The following EXO1 variants were observed in gnomAD, a reference collection of about 807,000 sequenced individuals.
EXO1 encodes the protein exonuclease 1.
Under a neutral mutation model 84.5 loss-of-function variants are expected in EXO1, and 69 were observed. The observed-to-expected ratio is 0.82, with a 90% confidence interval of 0.67 to 1.00. The LOEUF is 1.00. EXO1 is among the 50% of genes least tolerant of loss of function. EXO1 has a pLI of 0.00. For synonymous variants in EXO1, 373 were observed against 366.1 expected, an observed-to-expected ratio of 1.02 and a Z score of -0.21; for missense variants, 1,045 against 1,000.7, an observed-to-expected ratio of 1.04 and a Z score of -0.60.
At chr1:241,866,334 G>A (rs1327716300) in intron 10 of EXO1, among the ~76,000 whole-genome samples, 3 of 151,872 alleles carry the variant, frequency 2.0e-5, no homozygotes, top group South Asian at 2.1e-4. Flanking sequence ...GGCTGGTCTC[G>A]AGCTCCTGAC....
At chr1:241,855,877 G>A (rs193077909) in intron 6 of EXO1, among the ~76,000 whole-genome samples, 6 of 152,360 alleles carry the variant, frequency 3.9e-5, no homozygotes, top group Admixed American at 2.0e-4. Context: ...CTCTGAGTGC[G>A]GGGCCGCCAA....
At position 241,867,035 on chromosome 1, in the gene EXO1, T is replaced by C. The variant is rs761669697; in HGVS notation, c.1247T>C (p.Ile416Thr). Residue 416 changes from isoleucine (I) to threonine (T), a missense_variant, in exon 11 of 16, where the codon ATT becomes ACT. Ile to Thr is a moderately conservative substitution (Grantham distance 89). Transcript: ENST00000366548. ...TTAAATCTCCCAAGGAAATCATCCA[T>C]TGTGAAAAGACCAAGAAGTGGTACG... ...KGLNLPRKSSIVKRPRSAELS... is the reference protein window; with the variant it reads ...KGLNLPRKSSTVKRPRSAELS... 7 of 1,613,234 alleles carry C rather than the reference T, an allele frequency of 4.3e-6. No individual in the cohort carries two copies. Among genetic ancestry groups the C allele is most frequent in the South Asian group, 1.1e-5 (1 of 91,076 alleles).
chr1:241,876,662 T>C (rs1662420970), intron 12 of EXO1, among the ~76,000 whole-genome samples: 1 of 152,218 alleles, frequency 6.6e-6, no homozygotes, highest in Non-Finnish European at 1.5e-5. Context: ...TTACATGTTT[T>C]TCTATTTCTC....
chr1:241,880,783 C>T (rs1022820561), intron 13 of EXO1, among the ~76,000 whole-genome samples: 1 of 152,126 alleles, frequency 6.6e-6, no homozygotes, highest in African/African-American at 2.4e-5. Context: ...GAAGAAAATG[C>T]TTCAATATTT....
At chr1:241,855,239 G>A (rs891278108) in intron 6 of EXO1, among the ~76,000 whole-genome samples, 3 of 151,994 alleles carry the variant, frequency 2.0e-5, no homozygotes, top group South Asian at 4.1e-4. Flanking sequence ...TGATTGGTGC[G>A]TTTACAATCC....
chr1:241,854,597 A>G (rs1660860822), intron 6 of EXO1: 1 of 152,380 alleles, frequency 6.6e-6, no homozygotes, highest in Non-Finnish European at 1.5e-5. Flanking sequence ...AAACGATGCG[A>G]TGCAGGACAG....
At chr1:241,880,004 CAA>C (rs576461090) in intron 13 of EXO1, among the ~76,000 whole-genome samples, 6 of 83,860 alleles carry the variant, frequency 7.2e-5, no homozygotes. Flanking sequence ...AAGACTGTCT[CAA>C]AAAAAAAAAA....
At chr1:241,861,577 T>G (rs1356503236) in intron 10 of EXO1, 75 bp downstream of exon 10, 35 of 815,748 alleles carry the variant, frequency 4.3e-5, no homozygotes, top group Non-Finnish European at 7.7e-5. Flanking sequence ...CAAATCTTCA[T>G]ACACTAAGCT....
Position 241,881,942 on chromosome 1 carries a change from TG to T in EXO1, c.2137del (p.Asp713ThrfsTer22). 6.3e-7 allele frequency: 1 copy of T among 1,575,304 alleles called. No individual in the cohort carries two copies. Among genetic ancestry groups the T allele is most frequent in the Non-Finnish European group, 8.7e-7 (1 of 1,147,242 alleles). On this transcript the variant is annotated frameshift_variant, in exon 14 of 16. Transcript: ENST00000366548. LOFTEE classifies it high-confidence loss of function. ...EESDCNIKLLDSQSDQTSKLR... is the reference protein window; with the variant it reads ...EESDCNIKLLXSQSDQTSKLR... ...AATCTGATTGCAATATTAAGTTACT[TG>T]ACAGTCAAAGTGACCAGACCTCCAA...
In EXO1 at chr1:241,863,029, C is replaced by T. The variant is rs115252491; in HGVS notation, c.1041+1527C>T. Among the ~76,000 whole-genome samples the T allele has an allele frequency of 3.5e-3, 535 of 152,198 alleles. 4 individuals are homozygous for T. Among genetic ancestry groups the T allele is most frequent in the African/African-American group, 0.012 (517 of 41,524 alleles). On this transcript the variant is annotated intron_variant, in intron 10 of 15. Coordinates refer to ENST00000366548, the MANE Select transcript of EXO1 (RefSeq NM_130398.4). ...AGAAGGGATTCTATAGAAAGAAATG[C>T]GGTAAGTGCTACGCTAAAGAGGTAT... is the stretch of plus-strand genomic sequence containing the variant.
chr1:241,864,742 A>G (rs893162172), intron 10 of EXO1, among the ~76,000 whole-genome samples: 1 of 152,202 alleles, frequency 6.6e-6, no homozygotes, highest in African/African-American at 2.4e-5. Flanking sequence ...TAGAAGTCAC[A>G]GATTATCTCC....
In EXO1 at chr1:241,850,467, A is replaced by C; in HGVS notation, c.42A>C (p.Ser14=). ...QGLLQFIKEA[S]EPIHVRKYKG... is the part of the protein sequence containing the mutation. ...TGCTACAATTTATCAAAGAAGCTTC[A>C]GAACCCATCCATGTGAGGAAGTATA... The change falls in exon 4 of 16, where the codon TCA becomes TCC. Residue 14 remains serine (S), a synonymous_variant. Coordinates refer to ENST00000366548, the MANE Select transcript of EXO1 (RefSeq NM_130398.4). The C allele has an allele frequency of 6.2e-7, 1 of 1,614,064 alleles. No individual in the cohort carries two copies. Among genetic ancestry groups the C allele is most frequent in the Non-Finnish European group, 8.5e-7 (1 of 1,179,902 alleles).
chr1:241,865,777 T>C (rs1263738965), intron 10 of EXO1, among the ~76,000 whole-genome samples: 1 of 152,212 alleles, frequency 6.6e-6, no homozygotes, highest in Non-Finnish European at 1.5e-5. Context: ...CTCTTTCTTA[T>C]TTAGTAAAAC....
intron 10 of EXO1, among the ~76,000 whole-genome samples, chr1:241,861,867 T>TG (rs1275267190): frequency 6.6e-6 from 1 of 152,200 alleles, no homozygotes; most frequent in African/African-American, 2.4e-5. Flanking sequence ...AAAGCTGTTT[T>TG]TTCACTCATG....
chr1:241,859,043 CTGTT>C (rs749907071), intron 8 of EXO1, among the ~76,000 whole-genome samples: 6 of 152,132 alleles, frequency 3.9e-5, no homozygotes, highest in East Asian at 1.9e-4. Flanking sequence ...GGTTCTCAAA[CTGTT>C]TGGTCGCAGG....
chr1:241,884,651 G>C (rs1258185524), intron 14 of EXO1, among the ~76,000 whole-genome samples: 1 of 110,876 alleles, frequency 9.0e-6, no homozygotes, highest in Non-Finnish European at 1.9e-5. Context: ...TGCTGCCTGT[G>C]TGTGTGTGTG....
At chr1:241,889,054 A>G (rs1663228307) in intron 15 of EXO1, among the ~76,000 whole-genome samples, 3 of 152,160 alleles carry the variant, frequency 2.0e-5, no homozygotes. Flanking sequence ...CCTGGGTGAC[A>G]GAGCGAGACC....
rs907790456 is a variant in EXO1 at position 241,872,291 on chromosome 1, C to G, written c.1514+13C>G. 4 of 1,612,702 alleles carry G rather than the reference C, an allele frequency of 2.5e-6. No homozygotes were observed. In the East Asian group the frequency reaches 8.9e-5, roughly 36 times the overall value. On this transcript the variant is annotated intron_variant, in intron 12 of 15. Transcript: ENST00000366548. ...GGACCAGAAGCAGGTATAGTTATGTCTCCAGAATGTTGATTGTCTGTTGTA... is the reference window on the plus strand; with the variant it reads ...GGACCAGAAGCAGGTATAGTTATGTGTCCAGAATGTTGATTGTCTGTTGTA...
At chr1:241,875,585 A>G (rs1662344094) in intron 12 of EXO1, among the ~76,000 whole-genome samples, 4 of 152,198 alleles carry the variant, frequency 2.6e-5, no homozygotes, top group Admixed American at 2.6e-4. Context: ...TCTAGATAAT[A>G]TACACTGATT....
Sources: gnomAD v4.1 joint callset for allele counts (sites outside exome capture counted in the v4.1 genomes callset) on GRCh38, gnomAD v4.1.1 for gene constraint, MANE v1.5 for transcripts, NCBI Gene and HGNC (gene_info 2026-07-23, HGNC 2026-07-21) for gene names.